Variants in PIK3R4 observed in about 807,000 individuals in gnomAD.
The protein encoded by PIK3R4 is phosphoinositide 3-kinase regulatory subunit 4.
In PIK3R4, 46 loss-of-function variants were observed where a neutral mutation model predicts 136.5. That is an observed-to-expected ratio of 0.34 (90% CI 0.27 to 0.43). PIK3R4 has a LOEUF of 0.43. Among genes scored for constraint, PIK3R4 ranks in the 20% least tolerant of loss-of-function variants. The pLI is 1.00. For synonymous variants in PIK3R4, 557 were observed against 566.7 expected, an observed-to-expected ratio of 0.98 and a Z score of 0.24; for missense variants, 1,331 against 1,649.5, an observed-to-expected ratio of 0.81 and a Z score of 3.35.
chr3:130,680,049 A>C (rs1411066290), intron 19 of PIK3R4, among the ~76,000 whole-genome samples: 2 of 144,780 alleles, frequency 1.4e-5, no homozygotes, highest in Admixed American at 1.4e-4. Context: ...CACTCCAGCA[A>C]GACTCCATCT....
At chr3:130,716,365 TA>T in intron 9 of PIK3R4, 30 bp downstream of exon 9, 2 of 1,553,990 alleles carry the variant, frequency 1.3e-6, no homozygotes, top group Non-Finnish European at 1.8e-6. Flanking sequence ...AATTCGCATT[TA>T]AATGTAAGAC....
In PIK3R4 at chr3:130,708,474, C is replaced by T. The variant is rs1243165562; in HGVS notation, c.2350G>A (p.Glu784Lys). ...LLSQGMTEEEEDKLLALKDFM... is the reference protein window; with the variant it reads ...LLSQGMTEEEKDKLLALKDFM... ...TCTTTCAGTGCCAGAAGTTTGTCTT[C>T]CTCTTCCTCTGTCATTCCCTAAAAC... The change falls in exon 10 of 20, where the codon GAA becomes AAA. Residue 784 changes from glutamate to lysine, a missense_variant. Physicochemically the swap from Glu to Lys is moderately conservative, Grantham distance 56. Transcript: ENST00000356763. 3.7e-6 allele frequency: 6 copies of T among 1,612,624 alleles called. No individual in the cohort carries two copies. Among genetic ancestry groups the T allele is most frequent in the Non-Finnish European group, 4.2e-6 (5 of 1,178,894 alleles).
chr3:130,731,632 A>G (rs75403085), intron 4 of PIK3R4, among the ~76,000 whole-genome samples: 234 of 152,246 alleles, frequency 1.5e-3, no homozygotes, highest in Non-Finnish European at 2.5e-3. Flanking sequence ...CTAAAGTCTG[A>G]GTAGATCTAT....
intron 5 of PIK3R4, among the ~76,000 whole-genome samples, chr3:130,729,875 T>C (rs1261664707): frequency 6.6e-6 from 1 of 152,154 alleles, no homozygotes; most frequent in African/African-American, 2.4e-5. Flanking sequence ...CATCAATAAG[T>C]TTACCATCAT....
At chr3:130,710,958 T>C (rs1559824990) in intron 9 of PIK3R4, among the ~76,000 whole-genome samples, 1 of 148,390 alleles carries the variant, frequency 6.7e-6, no homozygotes, top group African/African-American at 2.5e-5. Flanking sequence ...CAAGAAACTC[T>C]TGAAAAAGAA....
chr3:130,738,915 C>A (rs770139069), intron 2 of PIK3R4, among the ~76,000 whole-genome samples: 2 of 152,170 alleles, frequency 1.3e-5, no homozygotes, highest in Non-Finnish European at 2.9e-5. Flanking sequence ...TGCTGAGGTC[C>A]TACTGTTGAA....
rs775017375 is a variant in PIK3R4, at chr3:130,705,735, C to T, written c.2758G>A (p.Val920Ile). 9 of 1,611,706 alleles carry T rather than the reference C, an allele frequency of 5.6e-6. No homozygotes were observed. In the Admixed American group the frequency reaches 1.5e-4, roughly 27 times the overall value. ...EVTTVQNKKPVIPVLSSTILP... is the reference protein window; with the variant it reads ...EVTTVQNKKPIIPVLSSTILP... Reference sequence around the variant, plus strand: ...ATTGTACTACTTAAAACCGGTATTACTGGTTTTTTATTTTGGACAGTTGTC... The same window carrying T: ...ATTGTACTACTTAAAACCGGTATTATTGGTTTTTTATTTTGGACAGTTGTC... The change falls in exon 12 of 20, where the codon GTA becomes ATA. Residue 920 changes from valine to isoleucine, a missense_variant. This residue lies in a region of PIK3R4 where 1,180 missense variants were observed against 1,407.0 expected (regional missense o/e 0.84). Transcript: ENST00000356763.
intron 2 of PIK3R4, among the ~76,000 whole-genome samples, chr3:130,740,504 A>AG (rs1470533110): frequency 6.6e-6 from 1 of 152,110 alleles, no homozygotes; most frequent in African/African-American, 2.4e-5. Flanking sequence ...AGGGAGGCCA[A>AG]GGGGGCGCGG....
intron 13 of PIK3R4, among the ~76,000 whole-genome samples, chr3:130,697,111 C>T (rs1161736081): frequency 8.3e-6 from 1 of 121,086 alleles, no homozygotes; most frequent in African/African-American, 3.0e-5. Flanking sequence ...TGCTCTGTCA[C>T]CCAAGCTGCA....
rs1182445340 is a variant in PIK3R4 at position 130,684,471 on chromosome 3, T to C, written c.3476-90A>G. Reference sequence around the variant, plus strand: ...CAAATGAAAAATAGTATTAGCTTTTTATGAATTTATTTGAAAAATGCCTTC... The same window carrying C: ...CAAATGAAAAATAGTATTAGCTTTTCATGAATTTATTTGAAAAATGCCTTC... On this transcript the variant is annotated intron_variant, in intron 15 of 19. Coordinates refer to ENST00000356763, the MANE Select transcript of PIK3R4 (RefSeq NM_014602.3). 3.3e-6 allele frequency: 4 copies of C among 1,196,190 alleles called. No individual in the cohort carries two copies. The African/African-American group carries it at 6.2e-5, about 18-fold the overall frequency. 74.1% of individuals were successfully genotyped at this position (1,196,190 alleles called of 1,614,324 possible). A position where few individuals can be genotyped will look rare whatever the true frequency, so the allele number is the denominator to read the frequency against.
At chr3:130,683,747 C>T (rs1321166714) in intron 16 of PIK3R4, among the ~76,000 whole-genome samples, 1 of 151,972 alleles carries the variant, frequency 6.6e-6, no homozygotes, top group Non-Finnish European at 1.5e-5. Context: ...ATCTCAGTTC[C>T]CTATAACTCT....
At chr3:130,727,421 C>T (rs1576461574) in intron 6 of PIK3R4, among the ~76,000 whole-genome samples, 1 of 152,264 alleles carries the variant, frequency 6.6e-6, no homozygotes, top group Admixed American at 6.5e-5. Context: ...GACGGGGTTT[C>T]ACCGTGTTAG....
Position 130,723,439 on chromosome 3 carries a change from A to T in PIK3R4, c.1956T>A (p.His652Gln), listed in dbSNP as rs1376810875. ...CAATATCACTGGCAAATTCGTAAAC[A>T]TGGGGTTTTTGTAGCAGTCCTAACT... ...MCQLGLLQKP[H>Q]VYEFASDIAP... The change falls in exon 7 of 20, where the codon CAT (histidine) becomes CAA (glutamine). Residue 652 changes from histidine (H) to glutamine (Q), a missense_variant. Around this residue, in one of 2 missense-constraint regions of PIK3R4, gnomAD observed 1,180 missense variants for 1,407.0 expected, o/e 0.84. Transcript: ENST00000356763. 6.2e-7 allele frequency: 1 copy of T among 1,604,676 alleles called. No individual in the cohort carries two copies. Among genetic ancestry groups the T allele is most frequent in the Non-Finnish European group, 8.5e-7 (1 of 1,176,752 alleles).
At chr3:130,743,997 G>A (rs1345178219) in intron 2 of PIK3R4, among the ~76,000 whole-genome samples, 1 of 152,106 alleles carries the variant, frequency 6.6e-6, no homozygotes, top group African/African-American at 2.4e-5. Flanking sequence ...CAACTTTCAG[G>A]TTTCAATGTA....
chr3:130,745,420 A>G (rs1037286852), intron 1 of PIK3R4, among the ~76,000 whole-genome samples, 156 bp from the exon 2 acceptor site: 4 of 152,106 alleles, frequency 2.6e-5, no homozygotes, highest in Admixed American at 2.6e-4. Context: ...CAGCCTCTAA[A>G]TTTCACACAC....
intron 13 of PIK3R4, among the ~76,000 whole-genome samples, chr3:130,694,427 CATTT>C (rs1244843795): frequency 6.6e-5 from 10 of 151,898 alleles, no homozygotes; most frequent in Middle Eastern, 3.4e-3. Flanking sequence ...TCTTTCTATT[CATTT>C]GAGTCTTCTT....
chr3:130,722,057 T>A (rs1356581746), intron 7 of PIK3R4, among the ~76,000 whole-genome samples: 1 of 152,102 alleles, frequency 6.6e-6, no homozygotes, highest in Non-Finnish European at 1.5e-5. Flanking sequence ...AAAAAATCAC[T>A]ACAACAGAAT....
intron 14 of PIK3R4, among the ~76,000 whole-genome samples, chr3:130,689,848 C>T (rs2066507115): frequency 6.6e-6 from 1 of 152,200 alleles, no homozygotes; most frequent in Admixed American, 6.5e-5. Context: ...CATATCTTGT[C>T]TTTGAAATCT....
intron 13 of PIK3R4, among the ~76,000 whole-genome samples, chr3:130,701,493 C>T (rs1306734652): frequency 6.9e-6 from 1 of 145,500 alleles, no homozygotes; most frequent in African/African-American, 2.6e-5. Flanking sequence ...TCCTGGGCAA[C>T]AGAGCGAGAC....
Sources: gnomAD v4.1 joint callset for allele counts (sites outside exome capture counted in the v4.1 genomes callset) on GRCh38, gnomAD v4.1.1 for gene constraint, gnomAD v4.1.1 regional missense constraint, MANE v1.5 for transcripts, NCBI Gene and HGNC (gene_info 2026-07-23, HGNC 2026-07-21) for gene names.